The following LMLN variants were observed in gnomAD, a reference collection of about 807,000 sequenced individuals.
The protein encoded by LMLN is leishmanolysin-like peptidase.
In LMLN, 70 loss-of-function variants were observed where a neutral mutation model predicts 92.3. The ratio of observed to expected loss-of-function variants is 0.76; its 90% CI spans 0.63 to 0.92. LMLN has a LOEUF of 0.92. LMLN is among the 40% of genes least tolerant of loss of function. The pLI is 0.00. For missense variants in LMLN, 691 were observed against 814.6 expected, an observed-to-expected ratio of 0.85 and a Z score of 1.85; for synonymous variants, 308 against 296.2, an observed-to-expected ratio of 1.04 and a Z score of -0.41.
At chr3:198,009,292 G>T (rs1252499611) in intron 11 of LMLN, among the ~76,000 whole-genome samples, 1 of 152,094 alleles carries the variant, frequency 6.6e-6, no homozygotes, top group Non-Finnish European at 1.5e-5. Flanking sequence ...TATCCATTTT[G>T]ACTTACATAT....
At chr3:198,033,698 G>A (rs751940366) in intron 14 of LMLN, among the ~76,000 whole-genome samples, 6 of 152,120 alleles carry the variant, frequency 3.9e-5, no homozygotes, top group Non-Finnish European at 8.8e-5. Flanking sequence ...CGCTGTGCCC[G>A]GCTGAAAAAA....
chr3:198,002,700 T>C (rs1465158088), intron 11 of LMLN, among the ~76,000 whole-genome samples: 1 of 152,236 alleles, frequency 6.6e-6, no homozygotes, highest in African/African-American at 2.4e-5. Flanking sequence ...ATCGTGCCAC[T>C]GCACTCCAGC....
chr3:198,027,239 C>T (rs538381179), intron 14 of LMLN, among the ~76,000 whole-genome samples: 2 of 152,182 alleles, frequency 1.3e-5, no homozygotes, highest in African/African-American at 4.8e-5. Context: ...CGTGACCTCC[C>T]GGTCACACAC....
At chr3:198,003,507 G>A in intron 11 of LMLN, among the ~76,000 whole-genome samples, 1 of 152,026 alleles carries the variant, frequency 6.6e-6, no homozygotes, top group Non-Finnish European at 1.5e-5. Flanking sequence ...TTTTGAATAG[G>A]GGTTTCCAAA....
chr3:198,000,786 G>A (rs1161204070), intron 11 of LMLN, among the ~76,000 whole-genome samples: 4 of 152,134 alleles, frequency 2.6e-5, no homozygotes, highest in Admixed American at 2.6e-4. Flanking sequence ...TCTTAGTACA[G>A]CGCTTGGCAC....
At chr3:198,014,466 T>A (rs1404029567) in intron 11 of LMLN, among the ~76,000 whole-genome samples, 5 of 116,386 alleles carry the variant, frequency 4.3e-5, no homozygotes, top group South Asian at 3.6e-4. Flanking sequence ...CTCTCCACCC[T>A]TCAGAGCCCC....
chr3:198,036,728 G>A (rs998688217), intron 15 of LMLN, among the ~76,000 whole-genome samples: 3 of 152,120 alleles, frequency 2.0e-5, no homozygotes, highest in Non-Finnish European at 2.9e-5. Context: ...TTCAAACTGA[G>A]GCTGATAATG....
chr3:197,968,464 AAAG>A (rs1476843987), intron 1 of LMLN, among the ~76,000 whole-genome samples: 4 of 152,136 alleles, frequency 2.6e-5, no homozygotes, highest in African/African-American at 7.2e-5. Flanking sequence ...TCAAAAAAAA[AAAG>A]AAAAGAAATT....
At chr3:197,975,498 C>CGCGCACGTGCACGCACACACAT (rs1721346015) in intron 3 of LMLN, among the ~76,000 whole-genome samples, 1 of 148,142 alleles carries the variant, frequency 6.8e-6, no homozygotes, top group African/African-American at 2.6e-5. Context: ...TGCACACACA[C>CGCGCACGTGCACGCACACACAT]GCGCACGTGC....
At chr3:197,979,052 A>G (rs1387773630) in intron 5 of LMLN, among the ~76,000 whole-genome samples, 4 of 152,204 alleles carry the variant, frequency 2.6e-5, no homozygotes, top group Non-Finnish European at 5.9e-5. Context: ...TATTGTCATT[A>G]ACCATAGTCA....
At chr3:198,017,192 C>T (rs1280569660) in intron 11 of LMLN, among the ~76,000 whole-genome samples, 1 of 152,150 alleles carries the variant, frequency 6.6e-6, no homozygotes, top group Non-Finnish European at 1.5e-5. Flanking sequence ...TTTGCTGACC[C>T]CTGTCACAGT....
intron 1 of LMLN, among the ~76,000 whole-genome samples, chr3:197,962,641 A>G (rs76764564): frequency 0.057 from 8,639 of 152,286 alleles, 292 homozygotes; most frequent in South Asian, 0.087. Context: ...TGTCCTTTCT[A>G]AGAAATCTTT....
At chr3:197,995,222 A>G (rs1721984825) in intron 9 of LMLN, among the ~76,000 whole-genome samples, 1 of 152,212 alleles carries the variant, frequency 6.6e-6, no homozygotes, top group Non-Finnish European at 1.5e-5. Context: ...CTCTAGCTTC[A>G]TTGTAAGAAT....
chr3:197,973,539 C>T (rs574694064), intron 1 of LMLN, among the ~76,000 whole-genome samples: 12 of 152,214 alleles, frequency 7.9e-5, no homozygotes, highest in African/African-American at 2.2e-4. Flanking sequence ...CGTGAGCCAC[C>T]GTGTCTGGCC....
chr3:198,026,591 C>T (rs145580936), intron 14 of LMLN, among the ~76,000 whole-genome samples: 1 of 152,358 alleles, frequency 6.6e-6, no homozygotes, highest in African/African-American at 2.4e-5. Context: ...AAGCATGAGC[C>T]ACCAGTCCTG....
intron 5 of LMLN, among the ~76,000 whole-genome samples, chr3:197,978,516 G>A (rs1207986040): frequency 6.6e-6 from 1 of 152,010 alleles, no homozygotes; most frequent in Non-Finnish European, 1.5e-5. Context: ...GTGCACCTGT[G>A]GTCCCAGCCA....
At chr3:198,011,996 G>A (rs908279081) in intron 11 of LMLN, among the ~76,000 whole-genome samples, 10 of 152,064 alleles carry the variant, frequency 6.6e-5, no homozygotes, top group African/African-American at 1.2e-4. Flanking sequence ...GGCTAATATC[G>A]AGAATCTACA....
chr3:197,997,112 T>C (rs138429660), intron 10 of LMLN, among the ~76,000 whole-genome samples: 12 of 101,958 alleles, frequency 1.2e-4, no homozygotes, highest in African/African-American at 7.9e-4. Context: ...TTTACTTTTC[T>C]TTTTCTTTTT....
Position 198,031,134 on chromosome 3 carries a change from C to T in LMLN, c.1657-4699C>T, listed in dbSNP as rs1205259476. ...TATTTAATCTAAGTTTTACATGACA[C>T]AGGAGCCCACATGAGTAAATGAAAA... On this transcript the variant is annotated intron_variant, in intron 14 of 15. Coordinates refer to ENST00000330198, the Ensembl canonical transcript of LMLN. The surrounding 1 kb of genome is among the most constrained non-coding windows in gnomAD (Gnocchi z 4.8). Among the ~76,000 whole-genome samples the T allele has an allele frequency of 2.0e-5, 3 of 152,216 alleles. No homozygotes were observed. In the South Asian group the frequency reaches 6.2e-4, roughly 31 times the overall value.
Sources: allele counts gnomAD v4.1 joint callset (sites outside exome capture counted in the v4.1 genomes callset), GRCh38; gene constraint gnomAD v4.1.1; non-coding constraint Gnocchi (gnomAD v3.1); transcripts MANE v1.5; gene names NCBI Gene and HGNC (gene_info 2026-07-23, HGNC 2026-07-21).